Variants in FAM227B observed in about 807,000 individuals in gnomAD.
FAM227B encodes the protein family with sequence similarity 227 member B.
In FAM227B, 88 loss-of-function variants were observed where a neutral mutation model predicts 73.8. The ratio of observed to expected loss-of-function variants is 1.19; its 90% CI spans 1.00 to 1.42. FAM227B has a LOEUF of 1.42. Ranked by LOEUF, FAM227B falls within the 40% of genes most tolerant of loss-of-function variation. The pLI, the probability that FAM227B is intolerant of heterozygous loss-of-function variation, is 0.00. For missense variants in FAM227B, 632 were observed against 590.9 expected (o/e 1.07, Z -0.72); for synonymous variants, 210 against 190.5 (o/e 1.10, Z -0.84).
chr15:49,524,709 T>C (rs539759216), intron 10 of FAM227B, among the ~76,000 whole-genome samples: 1 of 152,292 alleles, frequency 6.6e-6, no homozygotes, highest in African/African-American at 2.4e-5. Flanking sequence ...GGAGGAGGGA[T>C]ATACCCTGCA....
intron 11 of FAM227B, among the ~76,000 whole-genome samples, chr15:49,445,372 T>C (rs2052098063): frequency 6.6e-6 from 1 of 151,666 alleles, no homozygotes; most frequent in African/African-American, 2.4e-5. Flanking sequence ...ACATGCAGTA[T>C]TTGGTTTTCT....
intron 9 of FAM227B, among the ~76,000 whole-genome samples, chr15:49,558,269 T>C (rs73404137): frequency 0.029 from 4,363 of 152,274 alleles, 220 homozygotes; most frequent in African/African-American, 0.1. Context: ...GCAGCAGCCC[T>C]GGATCCACCT....
In FAM227B at chr15:49,385,599, G is replaced by GA. The variant is rs35705965; in HGVS notation, c.1013-14201dup. ...TGGGTCTATAAAACAGTAACACAAT[G>GA]AAAAAAAAAAAAACTAGGTAATAAC... On this transcript the variant is annotated intron_variant, in intron 11 of 15. Coordinates refer to ENST00000299338, the MANE Select transcript of FAM227B (RefSeq NM_152647.3). 1.7e-3 allele frequency among the ~76,000 whole-genome samples: 228 copies of GA among 133,180 alleles called. 1 individual carries two copies. The highest frequency in any genetic ancestry group is 3.9e-3 in the Middle Eastern group (1 of 258). 87.4% of individuals were successfully genotyped at this position (133,180 alleles called of 152,430 possible).
intron 10 of FAM227B, among the ~76,000 whole-genome samples, chr15:49,510,774 A>G (rs911433297): frequency 1.3e-5 from 2 of 152,116 alleles, no homozygotes; most frequent in African/African-American, 4.8e-5. Context: ...AAAGATGTAT[A>G]TAAGTTAACA....
chr15:49,385,073 A>G (rs944612222), intron 11 of FAM227B, among the ~76,000 whole-genome samples: 12 of 151,902 alleles, frequency 7.9e-5, no homozygotes, highest in African/African-American at 2.9e-4. Flanking sequence ...CTCTGAAGGT[A>G]TCTCCTAAGA....
At chr15:49,578,267 T>C (rs541980708) in intron 5 of FAM227B, among the ~76,000 whole-genome samples, 1 of 152,306 alleles carries the variant, frequency 6.6e-6, no homozygotes, top group Non-Finnish European at 1.5e-5. Flanking sequence ...AGTAAACCAA[T>C]GAAGGGGCTG....
At chr15:49,448,405 T>C (rs1479314855) in intron 11 of FAM227B, among the ~76,000 whole-genome samples, 1 of 151,632 alleles carries the variant, frequency 6.6e-6, no homozygotes, top group Non-Finnish European at 1.5e-5. Context: ...CTAACCACAA[T>C]ATAGAACTGA....
chr15:49,563,237 T>C (rs1313337359), intron 9 of FAM227B, among the ~76,000 whole-genome samples: 3 of 151,748 alleles, frequency 2.0e-5, no homozygotes, highest in Admixed American at 6.6e-5. Context: ...AATGCAATCA[T>C]ATTTACAGAA....
chr15:49,609,019 A>C (rs901945222), intron 3 of FAM227B, among the ~76,000 whole-genome samples: 3 of 151,952 alleles, frequency 2.0e-5, no homozygotes, highest in African/African-American at 7.2e-5. Flanking sequence ...TTAAGAGTAG[A>C]ATCTTTTGTC....
chr15:49,576,635 T>C (rs2075460550), intron 7 of FAM227B, 106 bp downstream of exon 7: 1 of 685,364 alleles, frequency 1.5e-6, no homozygotes, highest in African/African-American at 1.8e-5. Flanking sequence ...GCCCAAAGGA[T>C]CAAATCTTGT....
chr15:49,331,720 C>T, intron 15 of FAM227B, 60 bp downstream of exon 15: 2 of 1,024,642 alleles, frequency 2.0e-6, no homozygotes, highest in Non-Finnish European at 1.5e-6. Flanking sequence ...AAATATTGTC[C>T]AGTCTATATA....
chr15:49,357,376 G>A (rs1209053442), intron 13 of FAM227B, among the ~76,000 whole-genome samples: 4 of 148,808 alleles, frequency 2.7e-5, no homozygotes, highest in South Asian at 2.1e-4. Flanking sequence ...GAATCAAATA[G>A]ACGCAATAAA....
At chr15:49,613,370 A>T (rs186286659) in intron 2 of FAM227B, among the ~76,000 whole-genome samples, 1 of 152,044 alleles carries the variant, frequency 6.6e-6, no homozygotes, top group Non-Finnish European at 1.5e-5. Context: ...ATACAAAAAA[A>T]TTAGCCAGGT....
At chr15:49,591,958 T>C (rs927000217) in intron 3 of FAM227B, among the ~76,000 whole-genome samples, 2 of 152,208 alleles carry the variant, frequency 1.3e-5, no homozygotes, top group African/African-American at 4.8e-5. Flanking sequence ...TTCCACTTGA[T>C]CGAATTGGCT....
Position 49,609,024 on chromosome 15 carries a change from T to TC in FAM227B, c.105+2190_105+2191insG, listed in dbSNP as rs1260557327. Among the ~76,000 whole-genome samples, 32 of 151,912 alleles carry TC rather than the reference T, an allele frequency of 2.1e-4. 1 individual carries two copies. Among genetic ancestry groups the TC allele is most frequent in the Admixed American group, 5.9e-4 (9 of 15,246 alleles). ...TGTAGATTCCTTAAGAGTAGAATCT[T>TC]TTGTCTTTGTTCATAGCTGTAACTC... On this transcript the variant is annotated intron_variant, in intron 3 of 15. Coordinates refer to ENST00000299338, the MANE Select transcript of FAM227B (RefSeq NM_152647.3).
intron 11 of FAM227B, among the ~76,000 whole-genome samples, chr15:49,498,963 G>A (rs1440079634): frequency 3.3e-5 from 5 of 151,468 alleles, no homozygotes; most frequent in Non-Finnish European, 5.9e-5. Flanking sequence ...TCAGGAGATC[G>A]AGACCATCCC....
At chr15:49,546,002 C>G (rs2071804608) in intron 9 of FAM227B, among the ~76,000 whole-genome samples, 1 of 150,580 alleles carries the variant, frequency 6.6e-6, no homozygotes, top group Non-Finnish European at 1.5e-5. Context: ...TACATGTGCA[C>G]AACGTGCAGG....
intron 3 of FAM227B, among the ~76,000 whole-genome samples, chr15:49,590,382 C>CAATTATA (rs2076451030): frequency 3.3e-5 from 5 of 152,088 alleles, no homozygotes; most frequent in Non-Finnish European, 7.4e-5. Context: ...ACCAATTATG[C>CAATTATA]CCTTTATAGC....
Position 49,426,151 on chromosome 15 carries a change from C to G in FAM227B, c.1013-54752G>C, listed in dbSNP as rs567729129. ...TCCCTGTCTACGAATGATCTGGGGA[C>G]AATTTCTTTGTTTTTCTGACCCTCA... On this transcript the variant is annotated intron_variant, in intron 11 of 15. Transcript: ENST00000299338. Among the ~76,000 whole-genome samples, 8 of 151,734 alleles carry G rather than the reference C, an allele frequency of 5.3e-5. No individual in the cohort carries two copies. In the East Asian group the frequency reaches 1.6e-3, roughly 29 times the overall value.
Sources: gnomAD v4.1 joint callset for allele counts (sites outside exome capture counted in the v4.1 genomes callset) on GRCh38, gnomAD v4.1.1 for gene constraint, MANE v1.5 for transcripts, NCBI Gene and HGNC (gene_info 2026-07-23, HGNC 2026-07-21) for gene names.